The following ERBB4 variants were observed in gnomAD, a reference collection of about 807,000 sequenced individuals.
ERBB4 encodes the protein receptor tyrosine-protein kinase erbB-4.
A neutral mutation model predicts 158.0 loss-of-function variants in ERBB4; 42 were observed. The observed-to-expected ratio is 0.27, with a 90% CI of 0.21 to 0.34. The LOEUF (loss-of-function observed/expected upper bound fraction) is 0.34. ERBB4 is among the 10% of genes least tolerant of loss of function. The pLI is 1.00. For synonymous variants in ERBB4, 583 were observed against 558.7 expected, an observed-to-expected ratio of 1.04 and a Z score of -0.61; for missense variants, 1,333 against 1,624.1, an observed-to-expected ratio of 0.82 and a Z score of 3.08.
chr2:211,653,668 T>C (rs2071095247), intron 16 of ERBB4, among the ~76,000 whole-genome samples: 1 of 151,202 alleles, frequency 6.6e-6, no homozygotes, highest in Non-Finnish European at 1.5e-5. Flanking sequence ...AAAACAATTA[T>C]TTTCTTTTTT....
chr2:211,506,186 C>T (rs78973725), intron 20 of ERBB4, among the ~76,000 whole-genome samples: 1 of 151,602 alleles, frequency 6.6e-6, no homozygotes, highest in East Asian at 1.9e-4. Flanking sequence ...CATTATATAA[C>T]AATAAAGAGT....
chr2:211,576,872 G>A (rs1179867244), intron 19 of ERBB4, among the ~76,000 whole-genome samples: 1 of 152,104 alleles, frequency 6.6e-6, no homozygotes, highest in African/African-American at 2.4e-5. Context: ...TGGTATTTAT[G>A]TGTGGGAAGA....
intron 3 of ERBB4, among the ~76,000 whole-genome samples, chr2:211,895,353 G>T (rs1285533304): frequency 1.3e-5 from 2 of 152,232 alleles, no homozygotes; most frequent in South Asian, 4.1e-4. Context: ...GAACTCCTGG[G>T]CTAAAGTGAT....
intron 1 of ERBB4, among the ~76,000 whole-genome samples, chr2:212,506,609 G>A (rs1386929468): frequency 6.6e-6 from 1 of 151,644 alleles, no homozygotes. Context: ...GATCAAACCA[G>A]CCACAACTTT....
chr2:212,342,760 A>G (rs1021246457), intron 1 of ERBB4, among the ~76,000 whole-genome samples: 3 of 152,200 alleles, frequency 2.0e-5, no homozygotes, highest in Admixed American at 2.0e-4. Context: ...CATCTCTTTA[A>G]TAAATCATGA....
intron 16 of ERBB4, among the ~76,000 whole-genome samples, chr2:211,653,486 C>G (rs1380034215): frequency 4.0e-5 from 6 of 148,568 alleles, no homozygotes; most frequent in East Asian, 2.0e-4. Context: ...CGCCCCCCCC[C>G]ACGCCCGCCC....
chr2:211,819,647 C>A (rs114068206), intron 3 of ERBB4, among the ~76,000 whole-genome samples: 6,557 of 151,778 alleles, frequency 0.043, 244 homozygotes, highest in Non-Finnish European at 0.065. Flanking sequence ...ACAAAGGTCT[C>A]AAAATTTTTT....
At chr2:211,772,834 T>TATATATATATACAC (rs1219416032) in intron 4 of ERBB4, among the ~76,000 whole-genome samples, 1 of 10,338 alleles carries the variant, frequency 9.7e-5, no homozygotes, top group African/African-American at 3.8e-4. Flanking sequence ...TATATATATA[T>TATATATATATACAC]ACACATATAT....
At chr2:212,476,538 G>A (rs979172814) in intron 1 of ERBB4, among the ~76,000 whole-genome samples, 5 of 152,062 alleles carry the variant, frequency 3.3e-5, no homozygotes, top group Admixed American at 1.3e-4. Flanking sequence ...GAATGAAACT[G>A]CAACTATTTT....
chr2:211,486,940 GATAAT>G (rs1451637702), intron 20 of ERBB4, among the ~76,000 whole-genome samples: 10 of 151,762 alleles, frequency 6.6e-5, no homozygotes, highest in Admixed American at 6.6e-5. Context: ...AGCTTCATCA[GATAAT>G]ATATTCTTAA....
At chr2:211,591,607 C>T (rs189126622) in intron 19 of ERBB4, among the ~76,000 whole-genome samples, 25 of 152,328 alleles carry the variant, frequency 1.6e-4, no homozygotes, top group African/African-American at 5.8e-4. Flanking sequence ...GTTCTCCAGG[C>T]TCCCACAGCA....
At chr2:212,517,955 C>A (rs1236261023) in intron 1 of ERBB4, among the ~76,000 whole-genome samples, 2 of 151,984 alleles carry the variant, frequency 1.3e-5, no homozygotes, top group Non-Finnish European at 2.9e-5. Flanking sequence ...CAAAACAATC[C>A]TTCAGAGTAG....
At position 211,419,871 on chromosome 2, in the gene ERBB4, G is replaced by C. The variant is rs1472679486; in HGVS notation, c.3135+570C>G. ...ACATTTAAAATGTAAAGTGTTTTCA[G>C]AAACTTCCTTCAAAACTTAAATCTA... On this transcript the variant is annotated intron_variant, in intron 25 of 27. Coordinates refer to ENST00000342788, the MANE Select transcript of ERBB4 (RefSeq NM_005235.3). Among the ~76,000 whole-genome samples, 5 of 152,042 alleles carry C rather than the reference G, an allele frequency of 3.3e-5. No individual in the cohort carries two copies. In the East Asian group the frequency reaches 9.6e-4, roughly 29 times the overall value.
At chr2:211,649,321 T>C (rs940881727) in intron 16 of ERBB4, among the ~76,000 whole-genome samples, 5 of 151,900 alleles carry the variant, frequency 3.3e-5, no homozygotes, top group Admixed American at 6.6e-5. Flanking sequence ...AATGTCACAG[T>C]GTAGCATACC....
chr2:211,682,210 G>C (rs899162546), intron 12 of ERBB4, among the ~76,000 whole-genome samples: 1 of 152,106 alleles, frequency 6.6e-6, no homozygotes, highest in African/African-American at 2.4e-5. Context: ...AGATCTGAGA[G>C]GACTGATGAT....
chr2:212,437,024 T>C (rs1309343972), intron 1 of ERBB4, among the ~76,000 whole-genome samples: 4 of 151,992 alleles, frequency 2.6e-5, no homozygotes, highest in Admixed American at 1.3e-4. Context: ...CCCAGGGCCA[T>C]GTAAACGCCA....
chr2:211,714,564 G>A lies in ERBB4; in HGVS notation c.884-916C>T, dbSNP rs62182967. Among the ~76,000 whole-genome samples, 1,409 of 152,314 alleles carry A rather than the reference G, an allele frequency of 9.3e-3. 10 individuals carry two copies. The highest frequency in any genetic ancestry group is 0.02 in the Middle Eastern group (6 of 294). ...CATCTATAGTGGGAAAATATGCCAT[G>A]TAGATTTATGGCAAGTTTCATCAGA... is the stretch of plus-strand genomic sequence containing the variant. On this transcript the variant is annotated intron_variant, in intron 7 of 27. Coordinates refer to ENST00000342788, the MANE Select transcript of ERBB4 (RefSeq NM_005235.3).
chr2:212,049,622 T>C (rs1053907695), intron 2 of ERBB4, among the ~76,000 whole-genome samples: 2 of 152,310 alleles, frequency 1.3e-5, no homozygotes, highest in East Asian at 1.9e-4. Flanking sequence ...AAAAATGACA[T>C]TTGTTTAAAT....
Position 211,685,369 on chromosome 2 carries a change from C to G in ERBB4, c.1490-6185G>C, listed in dbSNP as rs116568705. 7.4e-3 allele frequency among the ~76,000 whole-genome samples: 1,121 copies of G among 152,252 alleles called. 12 individuals carry two copies. Among genetic ancestry groups the G allele is most frequent in the African/African-American group, 0.025 (1,048 of 41,566 alleles). ...CTATAGATGTTCATTTGCTCTGGCA[C>G]TATTTGCTTTAAAGGCTACCCTTCC... On this transcript the variant is annotated intron_variant, in intron 12 of 27. Coordinates refer to ENST00000342788, the MANE Select transcript of ERBB4 (RefSeq NM_005235.3).
Sources: allele counts gnomAD v4.1 joint callset (sites outside exome capture counted in the v4.1 genomes callset), GRCh38; gene constraint gnomAD v4.1.1; transcripts MANE v1.5; gene names NCBI Gene and HGNC (gene_info 2026-07-23, HGNC 2026-07-21).